KCNT2: variants seen among roughly 807,000 people sequenced by gnomAD.
The protein encoded by KCNT2 is potassium sodium-activated channel subfamily T member 2.
Under a neutral mutation model 153.8 loss-of-function variants are expected in KCNT2, and 67 were observed. That is an observed-to-expected ratio of 0.44 (90% CI 0.36 to 0.53). The LOEUF (loss-of-function observed/expected upper bound fraction) is 0.53. Ranked by LOEUF, KCNT2 falls within the 20% of genes least tolerant of loss-of-function variation. The pLI, the probability that KCNT2 is intolerant of heterozygous loss-of-function variation, is 0.00. For synonymous variants in KCNT2, 500 were observed against 458.8 expected (o/e 1.09, Z -1.15); for missense variants, 975 against 1,354.8 (o/e 0.72, Z 4.40).
At chr1:196,423,736 C>CA (rs57296160) in intron 11 of KCNT2, among the ~76,000 whole-genome samples, 25,559 of 148,946 alleles carry the variant, frequency 0.17, 3,037 homozygotes, top group African/African-American at 0.34. Context: ...AAATATTTTC[C>CA]AAAAAAAAAA....
rs780263405 is a variant in KCNT2 at position 196,414,916 on chromosome 1, A to G, written c.1185+8134T>C. Reference sequence around the variant, plus strand: ...GACACTGGCTGTGTACTGGAAGCACATAAAATGACAGTGACACTGGCTTGA... The same window carrying G: ...GACACTGGCTGTGTACTGGAAGCACGTAAAATGACAGTGACACTGGCTTGA... On this transcript the variant is annotated intron_variant, in intron 12 of 27. Coordinates refer to ENST00000294725, the MANE Select transcript of KCNT2 (RefSeq NM_198503.5). Among the ~76,000 whole-genome samples, 54 of 152,088 alleles carry G rather than the reference A, an allele frequency of 3.6e-4. 1 individual carries two copies. The highest frequency in any genetic ancestry group is 6.8e-3 in the Middle Eastern group (2 of 294).
intron 1 of KCNT2, among the ~76,000 whole-genome samples, chr1:196,573,195 T>C (rs1660970602): frequency 6.6e-6 from 1 of 152,122 alleles, no homozygotes; most frequent in South Asian, 2.1e-4. Flanking sequence ...GTTATGGCTA[T>C]TTTTAAGATT....
At chr1:196,281,090 T>A (rs1470322885) in intron 24 of KCNT2, 102 bp from the exon 25 acceptor site, 1 of 839,880 alleles carries the variant, frequency 1.2e-6, no homozygotes, top group East Asian at 2.7e-5. Flanking sequence ...GGGGGCAGGG[T>A]CTCACTCTGT....
chr1:196,475,375 G>A (rs1201268328), intron 5 of KCNT2, among the ~76,000 whole-genome samples: 1 of 152,048 alleles, frequency 6.6e-6, no homozygotes, highest in Non-Finnish European at 1.5e-5. Flanking sequence ...AGCACTTCGG[G>A]AGGCTGAGGA....
intron 12 of KCNT2, among the ~76,000 whole-genome samples, chr1:196,422,102 A>G (rs374517321): frequency 6.6e-6 from 1 of 152,048 alleles, no homozygotes; most frequent in East Asian, 1.9e-4. Context: ...AGCTAATAGC[A>G]GCCCACTCCA....
intron 12 of KCNT2, among the ~76,000 whole-genome samples, chr1:196,422,664 T>C (rs1033336178): frequency 6.6e-6 from 1 of 151,914 alleles, no homozygotes; most frequent in Non-Finnish European, 1.5e-5. Flanking sequence ...GGTTCTCAAA[T>C]GCATAGTTTT....
At chr1:196,344,198 G>C (rs552271797) in intron 14 of KCNT2, among the ~76,000 whole-genome samples, 1 of 152,248 alleles carries the variant, frequency 6.6e-6, no homozygotes, top group African/African-American at 2.4e-5. Context: ...AAATCACTTG[G>C]GAGATGTTGG....
In KCNT2 at chr1:196,334,169, G is replaced by T. The variant is rs113507720; in HGVS notation, c.1784-109C>A. On this transcript the variant is annotated intron_variant, in intron 16 of 27. Coordinates refer to ENST00000294725, the MANE Select transcript of KCNT2 (RefSeq NM_198503.5). ...AATAAACACAATAAATATATATATA[G>T]AGAGAGTATATATTTATGCGTGTGG... is the stretch of plus-strand genomic sequence containing the variant. The T allele has an allele frequency of 1.0e-3, 460 of 443,404 alleles. 1 individual carries two copies. Among genetic ancestry groups the T allele is most frequent in the Admixed American group, 3.6e-3 (85 of 23,458 alleles). The allele number at this position is 443,404 out of a possible 1,614,324, so 27.5% of individuals were successfully genotyped here.
At chr1:196,605,769 G>T (rs938563306) in intron 1 of KCNT2, among the ~76,000 whole-genome samples, 1 of 152,086 alleles carries the variant, frequency 6.6e-6, no homozygotes, top group Non-Finnish European at 1.5e-5. Flanking sequence ...CCACATATTA[G>T]CTTAGGAGTC....
At chr1:196,478,609 C>T (rs1464438590) in intron 5 of KCNT2, among the ~76,000 whole-genome samples, 1 of 152,020 alleles carries the variant, frequency 6.6e-6, no homozygotes, top group East Asian at 1.9e-4. Flanking sequence ...CTATAAAACC[C>T]CACAGTACTT....
chr1:196,544,462 C>A (rs1445245262), intron 1 of KCNT2, among the ~76,000 whole-genome samples: 1 of 151,822 alleles, frequency 6.6e-6, no homozygotes, highest in Admixed American at 6.6e-5. Flanking sequence ...AAATTTTAAA[C>A]CACATGACTG....
intron 1 of KCNT2, among the ~76,000 whole-genome samples, chr1:196,550,037 T>A (rs75467082): frequency 4.6e-5 from 7 of 151,888 alleles, no homozygotes; most frequent in African/African-American, 1.2e-4. Flanking sequence ...TCTGGCCCCA[T>A]ATCAGAATGA....
chr1:196,255,566 A>C (rs912155137), intron 26 of KCNT2, among the ~76,000 whole-genome samples: 1 of 151,872 alleles, frequency 6.6e-6, no homozygotes, highest in African/African-American at 2.4e-5. Flanking sequence ...CATATAACGC[A>C]TAATGTGTAG....
chr1:196,451,709 T>C (rs112689838), intron 8 of KCNT2, among the ~76,000 whole-genome samples: 6,880 of 151,824 alleles, frequency 0.045, 526 homozygotes, highest in African/African-American at 0.16. Flanking sequence ...TTTTCTTCAA[T>C]AGAAAAATTT....
intron 1 of KCNT2, among the ~76,000 whole-genome samples, chr1:196,592,121 A>G (rs1162997692): frequency 6.6e-6 from 1 of 152,120 alleles, no homozygotes; most frequent in Non-Finnish European, 1.5e-5. Context: ...ACCCATTTCC[A>G]TCAACCGATG....
intron 22 of KCNT2, among the ~76,000 whole-genome samples, chr1:196,288,990 GTGAATTGGGATTCATATT>G (rs1275888291): frequency 6.6e-6 from 1 of 152,058 alleles, no homozygotes; most frequent in Non-Finnish European, 1.5e-5. Flanking sequence ...TTTTATAACT[GTGAATTGGGATTCATATT>G]GACATCTACA....
intron 8 of KCNT2, among the ~76,000 whole-genome samples, chr1:196,447,592 T>C (rs571202299): frequency 1.3e-5 from 2 of 151,552 alleles, no homozygotes; most frequent in Admixed American, 6.6e-5. Flanking sequence ...AAAGGAGTAG[T>C]GACAGTGCAG....
intron 1 of KCNT2, among the ~76,000 whole-genome samples, chr1:196,573,069 C>T (rs1660955472): frequency 6.6e-6 from 1 of 152,046 alleles, no homozygotes; most frequent in Admixed American, 6.6e-5. Flanking sequence ...AGATACTTGG[C>T]CATGTCTTTC....
At chr1:196,491,454 G>C (rs143459032) in intron 2 of KCNT2, among the ~76,000 whole-genome samples, 341 of 152,020 alleles carry the variant, frequency 2.2e-3, no homozygotes, top group Non-Finnish European at 3.9e-3. Flanking sequence ...TTGACAAGAG[G>C]ATTTGGAGGT....
Sources: allele counts gnomAD v4.1 joint callset (sites outside exome capture counted in the v4.1 genomes callset), GRCh38; gene constraint gnomAD v4.1.1; transcripts MANE v1.5; gene names NCBI Gene and HGNC (gene_info 2026-07-23, HGNC 2026-07-21).